RARA: variants seen among roughly 807,000 people sequenced by gnomAD.
RARA encodes retinoic acid receptor alpha, also known as PML-DDX5-RARA fusion.
In RARA, 5 loss-of-function variants were observed where a neutral mutation model predicts 42.8. The observed-to-expected ratio is 0.12, with a 90% CI of 0.06 to 0.25. The LOEUF is 0.25. Among genes scored for constraint, RARA ranks in the 10% least tolerant of loss-of-function variants. The probability of loss-of-function intolerance (pLI) is 1.00; values close to 1 mark genes in which losing one functional copy is unlikely to be tolerated. For synonymous variants in RARA, 256 were observed against 259.5 expected (o/e 0.99, Z 0.13); for missense variants, 402 against 628.7 (o/e 0.64, Z 3.86).
In RARA at chr17:40,309,185, A is replaced by G. The variant is rs1322266973; in HGVS notation, c.-464A>G. On this transcript the variant is annotated 5_prime_UTR_variant, in exon 1 of 9. Coordinates refer to ENST00000254066, the MANE Select transcript of RARA (RefSeq NM_000964.4). Reference sequence around the variant, plus strand: ...AACGGGAACCCGTGCCTCTTGCAGCAGCCTAACCCAGAAGCAGGGGGGAAT... The same window carrying G: ...AACGGGAACCCGTGCCTCTTGCAGCGGCCTAACCCAGAAGCAGGGGGGAAT... 1 of 152,388 alleles carries G rather than the reference A, an allele frequency of 6.6e-6. No homozygotes were observed. The highest frequency in any genetic ancestry group is 1.5e-5 in the Non-Finnish European group (1 of 68,068). 9.4% of individuals were successfully genotyped at this position (152,388 alleles called of 1,614,324 possible).
Position 40,356,172 on chromosome 17 carries a change from C to A in RARA, c.1335C>A (p.Ser445Arg). Residue 445 changes from serine to arginine, a missense_variant, in exon 9 of 9, where the codon AGC becomes AGA. Ser to Arg is a moderately radical substitution (Grantham distance 110). Transcript: ENST00000254066. ...TGGCCCCCCCGCCAGGCAGCTGTAGCCCCAGCCTCAGCCCCAGCTCCAACA... is the reference window on the plus strand; with the variant it reads ...TGGCCCCCCCGCCAGGCAGCTGTAGACCCAGCCTCAGCCCCAGCTCCAACA... ...GGLAPPPGSC[S>R]PSLSPSSNRS... The A allele has an allele frequency of 6.4e-7, 1 of 1,551,428 alleles. No individual in the cohort carries two copies. Among genetic ancestry groups the A allele is most frequent in the Non-Finnish European group, 8.7e-7 (1 of 1,147,556 alleles).
intron 1 of RARA, among the ~76,000 whole-genome samples, chr17:40,313,280 C>A (rs2033130963): frequency 6.6e-6 from 1 of 152,158 alleles, no homozygotes; most frequent in Admixed American, 6.5e-5. Context: ...ATCTCCCCAA[C>A]AAAAGAAGGG....
chr17:40,340,109 C>T (rs2033985483), intron 2 of RARA, among the ~76,000 whole-genome samples: 1 of 151,828 alleles, frequency 6.6e-6, no homozygotes, highest in Non-Finnish European at 1.5e-5. Flanking sequence ...TTTTCCCATA[C>T]CCCTTACCCC....
chr17:40,344,899 G>A (rs969362925), intron 2 of RARA, among the ~76,000 whole-genome samples: 8 of 152,176 alleles, frequency 5.3e-5, no homozygotes, highest in African/African-American at 1.7e-4. Context: ...CCTTGGAAGG[G>A]TCCCCTTGGG....
rs143827534 is a variant in RARA at position 40,354,481 on chromosome 17, C to T, written c.987C>T (p.Leu329=). Reference sequence around the variant, plus strand: ...TGGATGATGCGGAGACGGGGCTGCTCAGCGCCATCTGCCTCATCTGCGGAG... The same window carrying T: ...TGGATGATGCGGAGACGGGGCTGCTTAGCGCCATCTGCCTCATCTGCGGAG... The part of the protein sequence containing the change: ...LEMDDAETGL[L]SAICLICGDR... The change falls in exon 7 of 9, where the codon CTC becomes CTT. Residue 329 remains leucine, a synonymous_variant. Coordinates refer to ENST00000254066, the MANE Select transcript of RARA (RefSeq NM_000964.4). The surrounding 1 kb of genome is among the most constrained non-coding windows in gnomAD (Gnocchi z 4.5). 3.7e-6 allele frequency: 6 copies of T among 1,613,740 alleles called. No homozygotes were observed. Among genetic ancestry groups the T allele is most frequent in the African/African-American group, 2.7e-5 (2 of 74,892 alleles).
chr17:40,315,167 T>TACACACAC (rs1299638664), intron 1 of RARA, among the ~76,000 whole-genome samples: 11 of 116,028 alleles, frequency 9.5e-5, no homozygotes, highest in African/African-American at 4.6e-4. Flanking sequence ...TATATATATA[T>TACACACAC]ATATACACAC....
intron 2 of RARA, among the ~76,000 whole-genome samples, chr17:40,336,138 C>A (rs956706993): frequency 7.2e-5 from 11 of 152,312 alleles, no homozygotes; most frequent in Admixed American, 3.3e-4. Flanking sequence ...TACAGTGGTG[C>A]AATCTCTCAG....
intron 1 of RARA, among the ~76,000 whole-genome samples, chr17:40,325,170 G>C (rs1188826136): frequency 6.6e-6 from 1 of 152,066 alleles, no homozygotes; most frequent in Non-Finnish European, 1.5e-5. Flanking sequence ...AGAATCGCTT[G>C]AACCCGGGAG....
In RARA at chr17:40,320,830, G is replaced by T. The variant is rs1206341981; in HGVS notation, c.-362-10027G>T. Reference sequence around the variant, plus strand: ...ATCTGGGGATGGTAATCCTGTCCCTGCGACAAATAAGCGGGGTAATCTCCG... The same window carrying T: ...ATCTGGGGATGGTAATCCTGTCCCTTCGACAAATAAGCGGGGTAATCTCCG... On this transcript the variant is annotated intron_variant, in intron 1 of 8. Coordinates refer to ENST00000254066, the MANE Select transcript of RARA (RefSeq NM_000964.4). The surrounding 1 kb of genome is among the most constrained non-coding windows in gnomAD (Gnocchi z 4.1). Among the ~76,000 whole-genome samples the T allele has an allele frequency of 6.6e-6, 1 of 152,184 alleles. No individual in the cohort carries two copies. The highest frequency in any genetic ancestry group is 1.9e-4 in the East Asian group (1 of 5,190).
At chr17:40,337,679 C>T (rs985574662) in intron 2 of RARA, among the ~76,000 whole-genome samples, 9 of 152,218 alleles carry the variant, frequency 5.9e-5, no homozygotes, top group Non-Finnish European at 1.2e-4. Context: ...ACAGAGGAGC[C>T]GGGGATGGGA....
chr17:40,352,541 C>T lies in RARA; in HGVS notation c.807+34C>T. ...CTGCACCCTGGCCCCCAGGCACTGCCCCTGTGTCCTGGGTAGATGTCCTTC... is the reference window on the plus strand; with the variant it reads ...CTGCACCCTGGCCCCCAGGCACTGCTCCTGTGTCCTGGGTAGATGTCCTTC... On this transcript the variant is annotated intron_variant, in intron 6 of 8. Transcript: ENST00000254066. The surrounding 1 kb of genome is among the most constrained non-coding windows in gnomAD (Gnocchi z 4.9). 1.3e-6 allele frequency: 2 copies of T among 1,534,760 alleles called. No individual in the cohort carries two copies. The highest frequency in any genetic ancestry group is 1.8e-6 in the Non-Finnish European group (2 of 1,128,858).
chr17:40,312,637 G>A (rs999889779), intron 1 of RARA, among the ~76,000 whole-genome samples: 4 of 152,218 alleles, frequency 2.6e-5, no homozygotes, highest in Non-Finnish European at 5.9e-5. Flanking sequence ...GGCATGGGGA[G>A]CAGGGGCAGG....
At chr17:40,315,266 C>G (rs534066455) in intron 1 of RARA, among the ~76,000 whole-genome samples, 26 of 150,306 alleles carry the variant, frequency 1.7e-4, no homozygotes, top group Non-Finnish European at 3.2e-4. Flanking sequence ...TCTTGAACTC[C>G]TGGAGTCAAG....
intron 2 of RARA, among the ~76,000 whole-genome samples, chr17:40,339,829 C>T (rs952481825): frequency 6.6e-6 from 1 of 152,178 alleles, no homozygotes; most frequent in African/African-American, 2.4e-5. Flanking sequence ...AGTCTCAGGT[C>T]CCTTAGCGCC....
intron 1 of RARA, among the ~76,000 whole-genome samples, chr17:40,309,567 C>T (rs1449979672): frequency 6.6e-6 from 1 of 152,196 alleles, no homozygotes; most frequent in African/African-American, 2.4e-5. Flanking sequence ...GCCCCACGCC[C>T]TTGCACCCTC....
At chr17:40,317,916 G>C (rs2033248402) in intron 1 of RARA, among the ~76,000 whole-genome samples, 1 of 152,118 alleles carries the variant, frequency 6.6e-6, no homozygotes, top group Admixed American at 6.5e-5. Context: ...TGTGTGTGTG[G>C]TTGGGGGGAA....
At chr17:40,342,771 C>G in intron 2 of RARA, 1 of 1,612,728 alleles carries the variant, frequency 6.2e-7, no homozygotes, top group Non-Finnish European at 8.5e-7. Flanking sequence ...TTTTTATAAC[C>G]AGAACCGGGC....
Position 40,355,979 on chromosome 17 carries a change from T to A in RARA, c.1172-30T>A. On this transcript the variant is annotated intron_variant, in intron 8 of 8. Transcript: ENST00000254066. This position sits in a 1 kb window ranked among gnomAD's most constrained non-coding sequence, Gnocchi z 4.1. ...TGGGGGTGGGAGGGCTGGCCCAGCG[T>A]GCTGACCTCTGCCCCCTCCTTTCCT... 6.4e-7 allele frequency: 1 copy of A among 1,567,070 alleles called. No homozygotes were observed. Among genetic ancestry groups the A allele is most frequent in the East Asian group, 2.3e-5 (1 of 43,082 alleles).
At position 40,320,415 on chromosome 17, in the gene RARA, A is replaced by G. The variant is rs1272089664; in HGVS notation, c.-362-10442A>G. On this transcript the variant is annotated intron_variant, in intron 1 of 8. Transcript: ENST00000254066. This position sits in a 1 kb window ranked among gnomAD's most constrained non-coding sequence, Gnocchi z 4.1. ...GGCACAGTCACCCACACATGCCATG[A>G]CGTGGTTCCTGCCACCCCATCTAAG... Among the ~76,000 whole-genome samples, 2 of 152,134 alleles carry G rather than the reference A, an allele frequency of 1.3e-5. No individual in the cohort carries two copies. The highest frequency in any genetic ancestry group is 4.8e-5 in the African/African-American group (2 of 41,416).
Sources: gnomAD v4.1 joint callset for allele counts (sites outside exome capture counted in the v4.1 genomes callset) on GRCh38, gnomAD v4.1.1 for gene constraint, Gnocchi (gnomAD v3.1) non-coding constraint, MANE v1.5 for transcripts, NCBI Gene and HGNC (gene_info 2026-07-23, HGNC 2026-07-21) for gene names.